Variants in SLC24A4 observed in about 807,000 individuals in gnomAD.
SLC24A4 encodes the protein solute carrier family 24 member 4, also known as sodium/potassium/calcium exchanger 4.
SLC24A4 carries 53 observed loss-of-function variants against 79.0 expected under a neutral mutation model. The observed-to-expected ratio is 0.67, with a 90% CI of 0.54 to 0.84. SLC24A4 has a LOEUF of 0.84. Ranked by LOEUF, SLC24A4 falls within the 40% of genes least tolerant of loss-of-function variation. The probability of loss-of-function intolerance (pLI) is 0.00; values close to 1 mark genes in which losing one functional copy is unlikely to be tolerated. For synonymous variants in SLC24A4, 323 were observed against 323.8 expected, an observed-to-expected ratio of 1.00 and a Z score of 0.03; for missense variants, 731 against 822.0, an observed-to-expected ratio of 0.89 and a Z score of 1.35.
At chr14:92,349,939 C>T (rs80123902) in intron 2 of SLC24A4, among the ~76,000 whole-genome samples, 7,826 of 152,184 alleles carry the variant, frequency 0.051, 221 homozygotes, top group South Asian at 0.093. Flanking sequence ...GGGGATGTGC[C>T]GCCTCACTGG....
intron 2 of SLC24A4, among the ~76,000 whole-genome samples, chr14:92,368,916 T>G (rs1438831023): frequency 5.9e-5 from 9 of 152,156 alleles, no homozygotes; most frequent in Admixed American, 5.2e-4. Context: ...TCCCTCCCCC[T>G]GCTCAGCTCC....
chr14:92,435,974 C>G (rs960095510), intron 3 of SLC24A4, among the ~76,000 whole-genome samples: 1 of 152,150 alleles, frequency 6.6e-6, no homozygotes, highest in Non-Finnish European at 1.5e-5. Context: ...CTGAGTGCAC[C>G]GTGGGAATTT....
At chr14:92,443,110 A>T (rs1335625309) in intron 6 of SLC24A4, among the ~76,000 whole-genome samples, 1 of 152,166 alleles carries the variant, frequency 6.6e-6, no homozygotes, top group East Asian at 1.9e-4. Flanking sequence ...TGGGCAGCCG[A>T]CTGTGCCTGA....
intron 2 of SLC24A4, among the ~76,000 whole-genome samples, chr14:92,407,781 C>T (rs189999932): frequency 2.0e-5 from 3 of 152,136 alleles, no homozygotes; most frequent in South Asian, 2.1e-4. Context: ...TCCTCCAATT[C>T]GGCATGAGAT....
chr14:92,335,457 C>T (rs551342412), intron 2 of SLC24A4, among the ~76,000 whole-genome samples: 1 of 152,178 alleles, frequency 6.6e-6, no homozygotes, highest in Non-Finnish European at 1.5e-5. Flanking sequence ...CGGGTTCAAG[C>T]AATTCTCCTC....
intron 12 of SLC24A4, among the ~76,000 whole-genome samples, chr14:92,466,338 A>C (rs1004076165): frequency 6.6e-6 from 1 of 152,232 alleles, no homozygotes; most frequent in Admixed American, 6.5e-5. Flanking sequence ...TCAGTCTCAC[A>C]GTAGCACAGT....
At chr14:92,430,980 T>G (rs1888830069) in intron 2 of SLC24A4, among the ~76,000 whole-genome samples, 1 of 152,218 alleles carries the variant, frequency 6.6e-6, no homozygotes. Context: ...CATGGCCCAG[T>G]GGCTCCTGAT....
At chr14:92,427,255 G>A (rs890603686) in intron 2 of SLC24A4, among the ~76,000 whole-genome samples, 2 of 152,226 alleles carry the variant, frequency 1.3e-5, no homozygotes, top group Non-Finnish European at 2.9e-5. Context: ...GGAGGAGCCC[G>A]AAGTACATTC....
At chr14:92,363,693 G>A (rs939187791) in intron 2 of SLC24A4, among the ~76,000 whole-genome samples, 6 of 152,160 alleles carry the variant, frequency 3.9e-5, no homozygotes, top group Non-Finnish European at 7.3e-5. Flanking sequence ...AGTGGGGCAT[G>A]GTGGCACGCA....
Position 92,442,795 on chromosome 14 carries a change from G to A in SLC24A4, c.561G>A (p.Val187=), listed in dbSNP as rs1892573995. The A allele has an allele frequency of 1.2e-6, 2 of 1,614,014 alleles. No individual in the cohort carries two copies. The highest frequency in any genetic ancestry group is 1.1e-5 in the South Asian group (1 of 91,084). ...TCAACATCCTGTGCATAATTGGAGT[G>A]TGCGGACTGTTTGCTGGCCAGGTCA... ...AVFNILCIIG[V]CGLFAGQVVR... is the part of the protein sequence containing the mutation. The change falls in exon 6 of 17, where the codon GTG becomes GTA. Residue 187 remains valine (V), a synonymous_variant. Transcript: ENST00000532405.
chr14:92,335,798 T>C (rs56240676), intron 2 of SLC24A4, among the ~76,000 whole-genome samples: 1 of 152,336 alleles, frequency 6.6e-6, no homozygotes, highest in Non-Finnish European at 1.5e-5. Context: ...GTGATTCCTA[T>C]ATTCCTTACT....
At chr14:92,436,855 G>A (rs148130083) in intron 3 of SLC24A4, among the ~76,000 whole-genome samples, 25 of 152,200 alleles carry the variant, frequency 1.6e-4, no homozygotes, top group South Asian at 2.1e-4. Context: ...CCTAAGCTTC[G>A]TAGCAGGGTC....
chr14:92,396,645 G>A (rs1889796268), intron 2 of SLC24A4, among the ~76,000 whole-genome samples: 1 of 152,194 alleles, frequency 6.6e-6, no homozygotes, highest in Admixed American at 6.5e-5. Context: ...TGCCGCAACA[G>A]TTTACTTCTA....
intron 2 of SLC24A4, among the ~76,000 whole-genome samples, chr14:92,402,614 T>C (rs985216322): frequency 5.3e-5 from 8 of 152,186 alleles, no homozygotes; most frequent in Non-Finnish European, 4.4e-5. Context: ...GAGGTTTAAT[T>C]GGACTTACAG....
Position 92,500,697 on chromosome 14 carries a change from G to C in SLC24A4, c.*7069G>C, listed in dbSNP as rs1896126922. The C allele has an allele frequency of 6.6e-6, 1 of 152,348 alleles. No homozygotes were observed. The highest frequency in any genetic ancestry group is 2.4e-5 in the African/African-American group (1 of 41,448). The allele number at this position is 152,348 out of a possible 1,614,324, so 9.4% of individuals were successfully genotyped here. ...GCTGAGCCACTGTGGCCAACTCTTG[G>C]GGAGCTCCACAGTGGGGGTTGCTGG... is the stretch of plus-strand genomic sequence containing the variant. On this transcript the variant is annotated 3_prime_UTR_variant, in exon 17 of 17. Coordinates refer to ENST00000532405, the MANE Select transcript of SLC24A4 (RefSeq NM_153646.4).
chr14:92,484,872 G>A (rs1895268909), intron 13 of SLC24A4: 6 of 985,320 alleles, frequency 6.1e-6, no homozygotes, highest in Non-Finnish European at 7.2e-6. Flanking sequence ...ATGATCATGA[G>A]CGTTGCTGAA....
In SLC24A4 at chr14:92,412,860, C is replaced by T. The variant is rs139895651; in HGVS notation, c.242-21052C>T. On this transcript the variant is annotated intron_variant, in intron 2 of 16. Transcript: ENST00000532405. ...TTCAGCTCTCCACCTGTTTGGAATA[C>T]GTCCTGCAAGCCAAAAATGGTTTCT... Among the ~76,000 whole-genome samples, 10 of 152,288 alleles carry T rather than the reference C, an allele frequency of 6.6e-5. No individual in the cohort carries two copies. The East Asian group carries it at 1.5e-3, about 24-fold the overall frequency.
intron 2 of SLC24A4, among the ~76,000 whole-genome samples, chr14:92,430,099 AT>A (rs1420677483): frequency 6.6e-6 from 1 of 152,196 alleles, no homozygotes; most frequent in African/African-American, 2.4e-5. Context: ...ATCGATTCAC[AT>A]TCTTTCTGGA....
chr14:92,342,322 T>TC lies in SLC24A4; in HGVS notation c.241+16345dup, dbSNP rs1491021605. ...CTGGGGTGGGGCTGTGGGGGGGGGG[T>TC]CTCCATTTCTGACATGCTCCCAGAT... On this transcript the variant is annotated intron_variant, in intron 2 of 16. Coordinates refer to ENST00000532405, the MANE Select transcript of SLC24A4 (RefSeq NM_153646.4). 4.2e-5 allele frequency among the ~76,000 whole-genome samples: 5 copies of TC among 120,394 alleles called. No homozygotes were observed. The South Asian group carries it at 1.0e-3, about 25-fold the overall frequency. 79.0% of individuals were successfully genotyped at this position (120,394 alleles called of 152,430 possible).
Sources: gnomAD v4.1 joint callset for allele counts (sites outside exome capture counted in the v4.1 genomes callset) on GRCh38, gnomAD v4.1.1 for gene constraint, MANE v1.5 for transcripts, NCBI Gene and HGNC (gene_info 2026-07-23, HGNC 2026-07-21) for gene names.